The following DLGAP2 variants were observed in gnomAD, a reference collection of about 807,000 sequenced individuals.
The protein encoded by DLGAP2 is disks large-associated protein 2.
Under a neutral mutation model 100.3 loss-of-function variants are expected in DLGAP2, and 26 were observed. That is an observed-to-expected ratio of 0.26 (90% CI 0.19 to 0.36). The LOEUF is 0.36. Among genes scored for constraint, DLGAP2 ranks in the 10% least tolerant of loss-of-function variants. The pLI is 1.00. For synonymous variants in DLGAP2, 886 were observed against 630.1 expected (o/e 1.41, Z -6.08); for missense variants, 1,858 against 1,453.2 (o/e 1.28, Z -4.53).
chr8:1,518,283 T>G (rs1192099213), intron 4 of DLGAP2, among the ~76,000 whole-genome samples: 1 of 152,206 alleles, frequency 6.6e-6, no homozygotes, highest in East Asian at 1.9e-4. Flanking sequence ...ATCTGTCTGC[T>G]TCATCCTCAT....
chr8:1,369,598 C>T (rs1802189504), intron 3 of DLGAP2: 1 of 152,238 alleles, frequency 6.6e-6, no homozygotes, highest in Admixed American at 6.5e-5. Flanking sequence ...TACAGGACGT[C>T]CCATTCTGCT....
At chr8:1,008,515 T>A (rs1457610019) in intron 2 of DLGAP2, among the ~76,000 whole-genome samples, 5 of 152,260 alleles carry the variant, frequency 3.3e-5, no homozygotes. Flanking sequence ...TTCTTATTGA[T>A]GCATTATAAT....
rs141755013 is a variant in DLGAP2, at chr8:1,663,639, G to A, written c.1811-4690G>A. 2.9e-3 allele frequency among the ~76,000 whole-genome samples: 439 copies of A among 152,254 alleles called. 2 individuals are homozygous for A. Among genetic ancestry groups the A allele is most frequent in the Non-Finnish European group, 4.4e-3 (299 of 68,016 alleles). ...CCCCCCTTTCCCTTGCGCCCTGAGC[G>A]TAATGGTTAACTTCGACTCACAGGG... On this transcript the variant is annotated intron_variant, in intron 8 of 14. Transcript: ENST00000637795.
intron 1 of DLGAP2, among the ~76,000 whole-genome samples, chr8:805,527 A>T (rs1796251941): frequency 6.6e-6 from 1 of 152,218 alleles, no homozygotes; most frequent in Non-Finnish European, 1.5e-5. Context: ...ATCGGGTTGC[A>T]TTTCACAATG....
intron 8 of DLGAP2, among the ~76,000 whole-genome samples, chr8:1,655,483 G>T (rs1040746101): frequency 6.6e-6 from 1 of 152,186 alleles, no homozygotes; most frequent in Non-Finnish European, 1.5e-5. Flanking sequence ...TCTTGATTAC[G>T]TATTTGTGCC....
At chr8:1,438,110 A>C (rs953748822) in intron 3 of DLGAP2, among the ~76,000 whole-genome samples, 5 of 152,232 alleles carry the variant, frequency 3.3e-5, no homozygotes, top group Non-Finnish European at 7.3e-5. Flanking sequence ...GGTCCCCAGA[A>C]GTCAGTACTC....
In DLGAP2 at chr8:1,051,080, GT is replaced by G. The variant is rs558512720; in HGVS notation, c.73+143115del. Among the ~76,000 whole-genome samples, 1,034 of 122,218 alleles carry G rather than the reference GT, an allele frequency of 8.5e-3. 3 individuals carry two copies. The highest frequency in any genetic ancestry group is 0.013 in the Non-Finnish European group (754 of 57,190). The allele number at this position is 122,218 out of a possible 152,430, so 80.2% of individuals were successfully genotyped here. On this transcript the variant is annotated intron_variant, in intron 2 of 14. Coordinates refer to ENST00000637795, the MANE Select transcript of DLGAP2 (RefSeq NM_001346810.2). Reference sequence around the variant, plus strand: ...TGGGTGGGGGTCATTTTGTGGTGGGGTCTTTTTGTGGGCAGGGGGTCATTTT... The same window carrying G: ...TGGGTGGGGGTCATTTTGTGGTGGGGCTTTTTGTGGGCAGGGGGTCATTTT...
intron 3 of DLGAP2, among the ~76,000 whole-genome samples, chr8:1,288,993 A>G (rs1285535275): frequency 6.6e-6 from 1 of 152,248 alleles, no homozygotes; most frequent in Non-Finnish European, 1.5e-5. Context: ...ACTGAATTTA[A>G]GAAAACCTCT....
chr8:1,549,408 C>G lies in DLGAP2; in HGVS notation c.955C>G (p.His319Asp). The G allele has an allele frequency of 6.2e-7, 1 of 1,613,462 alleles. No individual in the cohort carries two copies. The highest frequency in any genetic ancestry group is 8.5e-7 in the Non-Finnish European group (1 of 1,179,788). ...GACGCCCAGCGTGCTCAACCGGCAC[C>G]ACCTGGGCCCCGTGGCCCACTGCTA... ...YRTPSVLNRH[H>D]LGPVAHCYPD... Residue 319 changes from histidine to aspartate, a missense_variant, in exon 5 of 15, where the codon CAC becomes GAC. Physicochemically the swap from His to Asp is moderately conservative, Grantham distance 81. Transcript: ENST00000637795.
chr8:884,385 T>C lies in DLGAP2; in HGVS notation c.19-23527T>C, dbSNP rs147854750. Among the ~76,000 whole-genome samples the C allele has an allele frequency of 5.4e-3, 818 of 152,356 alleles. 12 individuals are homozygous for C. The highest frequency in any genetic ancestry group is 0.018 in the African/African-American group (766 of 41,576). On this transcript the variant is annotated intron_variant, in intron 1 of 14. Transcript: ENST00000637795. ...GTGGTTTTGATTTGCATTTCTGTGA[T>C]GATCAGTGATGTTGAGCTTTTTTTC... is the stretch of plus-strand genomic sequence containing the variant.
At chr8:1,448,604 C>T (rs1191992066) in intron 3 of DLGAP2, among the ~76,000 whole-genome samples, 4 of 152,192 alleles carry the variant, frequency 2.6e-5, no homozygotes, top group African/African-American at 7.2e-5. Context: ...CTATTAGGTC[C>T]ACTTGCTTAT....
chr8:1,456,741 A>G (rs983010339), intron 3 of DLGAP2, among the ~76,000 whole-genome samples: 5 of 151,672 alleles, frequency 3.3e-5, no homozygotes, highest in Admixed American at 6.6e-5. Context: ...CGGTCGTTGG[A>G]CGTCAGCAGG....
chr8:832,747 A>G (rs1332648943), intron 1 of DLGAP2, among the ~76,000 whole-genome samples: 1 of 152,222 alleles, frequency 6.6e-6, no homozygotes, highest in East Asian at 1.9e-4. Context: ...TAAGAATGTC[A>G]GCTGCAGTAG....
chr8:752,249 A>C (rs976032385), intron 1 of DLGAP2, among the ~76,000 whole-genome samples: 1 of 152,170 alleles, frequency 6.6e-6, no homozygotes, highest in Non-Finnish European at 1.5e-5. Flanking sequence ...TGAAGCAGAG[A>C]GGGAGAGGAG....
At chr8:1,356,437 A>G (rs1182313505) in intron 3 of DLGAP2, among the ~76,000 whole-genome samples, 2 of 152,220 alleles carry the variant, frequency 1.3e-5, no homozygotes, top group Non-Finnish European at 1.5e-5. Context: ...TTTCAGGGGA[A>G]ATGCCCGTCA....
At position 1,093,622 on chromosome 8, in the gene DLGAP2, C is replaced by CAGCCAGACAGAAACACTTTCACACTAAT. The variant is rs1479068120; in HGVS notation, c.74-165212_74-165185dup. Among the ~76,000 whole-genome samples, 11 of 152,202 alleles carry CAGCCAGACAGAAACACTTTCACACTAAT rather than the reference C, an allele frequency of 7.2e-5. No homozygotes were observed. The East Asian group carries it at 2.1e-3, about 30-fold the overall frequency. ...ACAGACAGAAACACCTTCACACCGA[C>CAGCCAGACAGAAACACTTTCACACTAAT]AGCCAGACAGAAACACTTTCACACT... On this transcript the variant is annotated intron_variant, in intron 2 of 14. Transcript: ENST00000637795.
intron 3 of DLGAP2, among the ~76,000 whole-genome samples, chr8:1,409,981 G>A (rs1218921028): frequency 4.6e-5 from 7 of 152,316 alleles, no homozygotes; most frequent in African/African-American, 1.7e-4. Flanking sequence ...TTATGTGTCT[G>A]TGTGTCCTGT....
intron 3 of DLGAP2, among the ~76,000 whole-genome samples, chr8:1,387,536 C>A (rs143093356): frequency 1.3e-5 from 2 of 152,016 alleles, no homozygotes; most frequent in Admixed American, 1.3e-4. Flanking sequence ...CGTGGTTGCA[C>A]GGCAGTGAGT....
At chr8:1,100,578 C>T (rs1228181285) in intron 2 of DLGAP2, among the ~76,000 whole-genome samples, 15 of 152,094 alleles carry the variant, frequency 9.9e-5, no homozygotes, top group Non-Finnish European at 1.9e-4. Flanking sequence ...CAGAATGTGT[C>T]TTCTCTGATA....
Sources: allele counts gnomAD v4.1 joint callset (sites outside exome capture counted in the v4.1 genomes callset), GRCh38; gene constraint gnomAD v4.1.1; transcripts MANE v1.5; gene names NCBI Gene and HGNC (gene_info 2026-07-23, HGNC 2026-07-21).